The following PWWP2B variants were observed in gnomAD, a reference collection of about 807,000 sequenced individuals.
PWWP2B encodes the protein PWWP domain containing 2B, also known as PWWP domain-containing protein 2B.
In PWWP2B, 9 loss-of-function variants were observed where a neutral mutation model predicts 15.5. The observed-to-expected ratio is 0.58, with a 90% CI of 0.35 to 1.02. The LOEUF is 1.02. Among genes scored for constraint, PWWP2B ranks in the 50% least tolerant of loss-of-function variants. The pLI, the probability that PWWP2B is intolerant of heterozygous loss-of-function variation, is 0.02. For synonymous variants in PWWP2B, 474 were observed against 403.6 expected (o/e 1.17, Z -2.09); for missense variants, 864 against 865.3 (o/e 1.00, Z 0.02).
chr10:132,407,527 G>A (rs546734743), intron 2 of PWWP2B, among the ~76,000 whole-genome samples: 6 of 152,214 alleles, frequency 3.9e-5, no homozygotes, highest in African/African-American at 1.4e-4. Context: ...GCTGCACCCT[G>A]CGTATTGGGG....
chr10:132,401,418 A>G (rs970133616), intron 1 of PWWP2B, among the ~76,000 whole-genome samples: 10 of 147,514 alleles, frequency 6.8e-5, no homozygotes, highest in Middle Eastern at 3.4e-3. Flanking sequence ...GGGCCCCCAC[A>G]TGTCCTTCCC....
At chr10:132,416,556 G>T (rs1043628623) in intron 2 of PWWP2B, among the ~76,000 whole-genome samples, 2 of 152,266 alleles carry the variant, frequency 1.3e-5, no homozygotes, top group Admixed American at 1.3e-4. Context: ...CTGGGAAAGG[G>T]TTTTCCCCTC....
chr10:132,409,077 C>T (rs915605694), intron 2 of PWWP2B, among the ~76,000 whole-genome samples: 9 of 152,254 alleles, frequency 5.9e-5, no homozygotes, highest in African/African-American at 9.6e-5. Flanking sequence ...CCTGCTGTTG[C>T]GGTCTCAGGG....
intron 2 of PWWP2B, among the ~76,000 whole-genome samples, chr10:132,414,159 G>C (rs766835684): frequency 2.6e-5 from 4 of 152,356 alleles, no homozygotes; most frequent in Admixed American, 2.0e-4. Context: ...GAGAGGGAAG[G>C]CTCCTGCGAA....
At chr10:132,408,567 C>G (rs923997258) in intron 2 of PWWP2B, among the ~76,000 whole-genome samples, 3 of 152,282 alleles carry the variant, frequency 2.0e-5, no homozygotes, top group Admixed American at 6.5e-5. Context: ...GTCGTCCTCC[C>G]AGCTCCCGCC....
chr10:132,414,901 G>C (rs1311894138), intron 2 of PWWP2B, among the ~76,000 whole-genome samples: 1 of 152,188 alleles, frequency 6.6e-6, no homozygotes, highest in East Asian at 1.9e-4. Flanking sequence ...AACTGGCGTT[G>C]GGCTGGGGAC....
At position 132,405,058 on chromosome 10, in the gene PWWP2B, C is replaced by G; in HGVS notation, c.558C>G (p.Ser186Arg). 1 of 1,511,716 alleles carries G rather than the reference C, an allele frequency of 6.6e-7. No homozygotes were observed. Among genetic ancestry groups the G allele is most frequent in the Non-Finnish European group, 8.8e-7 (1 of 1,133,244 alleles). 93.6% of individuals were successfully genotyped at this position (1,511,716 alleles called of 1,614,324 possible). The change falls in exon 2 of 3, where the codon AGC becomes AGG. Residue 186 changes from serine (S) to arginine (R), a missense_variant. Physicochemically the swap from Ser to Arg is moderately radical, Grantham distance 110. Coordinates refer to ENST00000305233, the MANE Select transcript of PWWP2B (RefSeq NM_138499.4). ...GTGAGAAGTGCAAGAGCACGCTGAG[C>G]CCCCCGGAGGCCAGCCCCGGACCCC... is the stretch of plus-strand genomic sequence containing the variant. ...VLCEKCKSTL[S>R]PPEASPGPPA...
intron 2 of PWWP2B, among the ~76,000 whole-genome samples, chr10:132,408,376 G>A (rs1554907568): frequency 6.6e-6 from 1 of 152,226 alleles, no homozygotes; most frequent in Non-Finnish European, 1.5e-5. Context: ...CTCTTTGTAG[G>A]GGAAATGCGG....
intron 1 of PWWP2B, among the ~76,000 whole-genome samples, chr10:132,403,846 G>C (rs1053210128): frequency 1.8e-5 from 2 of 114,148 alleles, no homozygotes; most frequent in Non-Finnish European, 3.8e-5. Flanking sequence ...CAGCAGGGCA[G>C]GACCTGAGGG....
rs141597653 is a variant in PWWP2B, at chr10:132,406,066, T to A, written c.1566T>A (p.Ser522=). 11 of 1,613,654 alleles carry A rather than the reference T, an allele frequency of 6.8e-6. No individual in the cohort carries two copies. Among genetic ancestry groups the A allele is most frequent in the Non-Finnish European group, 9.3e-6 (11 of 1,179,836 alleles). ...SLGQKEDGEP[S]WREAKVSWFG... The stretch of plus-strand genomic sequence containing the variant: ...GCCAGAAGGAGGACGGAGAGCCGTC[T>A]TGGCGAGAAGCGAAGGTCTCGTGGT... The change falls in exon 2 of 3, where the codon TCT becomes TCA. Residue 522 remains serine (S), a synonymous_variant. Transcript: ENST00000305233.
intron 2 of PWWP2B, among the ~76,000 whole-genome samples, chr10:132,412,374 A>G (rs1448373160): frequency 3.9e-5 from 6 of 152,206 alleles, no homozygotes; most frequent in Admixed American, 2.6e-4. Context: ...CCGGGCTTCA[A>G]TGCCCTGGAC....
intron 2 of PWWP2B, among the ~76,000 whole-genome samples, chr10:132,414,688 G>A (rs2069820956): frequency 6.6e-6 from 1 of 152,240 alleles, no homozygotes; most frequent in Admixed American, 6.5e-5. Flanking sequence ...CTGAGAAATG[G>A]AAGATGGTAT....
At chr10:132,408,473 G>A (rs747414966) in intron 2 of PWWP2B, among the ~76,000 whole-genome samples, 6 of 152,196 alleles carry the variant, frequency 3.9e-5, no homozygotes, top group Non-Finnish European at 7.3e-5. Flanking sequence ...GGTGTGGGGC[G>A]CTGCTGGCCA....
chr10:132,415,859 G>C lies in PWWP2B; in HGVS notation c.*17-1202G>C, dbSNP rs76742343. On this transcript the variant is annotated intron_variant, in intron 2 of 2. Transcript: ENST00000305233. ...CTTTCTTCTCTGTAGCATTGATCCC[G>C]GCTTGGTGCTTGGTCTTCAAATTGT... Among the ~76,000 whole-genome samples, 6 of 152,166 alleles carry C rather than the reference G, an allele frequency of 3.9e-5. No homozygotes were observed. In the East Asian group the frequency reaches 9.6e-4, roughly 24 times the overall value.
In PWWP2B at chr10:132,404,061, GGGCTCCTGCAGGACGGCATTCTT is replaced by G. The variant is rs1404477546; in HGVS notation, c.126-564_126-542del. On this transcript the variant is annotated intron_variant, in intron 1 of 2. Transcript: ENST00000305233. ...GGCTCCTGCAGGACGGCATTCTCCA[GGGCTCCTGCAGGACGGCATTCTT>G]CTGGGCTCCTGCAGGGAGCTTTCTC... is the stretch of plus-strand genomic sequence containing the variant. Among the ~76,000 whole-genome samples, 180 of 136,484 alleles carry G rather than the reference GGGCTCCTGCAGGACGGCATTCTT, an allele frequency of 1.3e-3. 3 individuals are homozygous for G. Among genetic ancestry groups the G allele is most frequent in the African/African-American group, 5.1e-3 (156 of 30,868 alleles). 89.5% of individuals were successfully genotyped at this position (136,484 alleles called of 152,430 possible).
At chr10:132,412,967 C>A (rs942457094) in intron 2 of PWWP2B, among the ~76,000 whole-genome samples, 2 of 152,372 alleles carry the variant, frequency 1.3e-5, no homozygotes, top group East Asian at 3.9e-4. Context: ...GAGGCCAGCG[C>A]CAGTGTCCTG....
intron 2 of PWWP2B, among the ~76,000 whole-genome samples, chr10:132,413,256 G>A (rs1306608051): frequency 1.3e-5 from 2 of 152,252 alleles, no homozygotes; most frequent in Non-Finnish European, 2.9e-5. Flanking sequence ...TAATATAGGT[G>A]TGTAAAATAT....
rs1564873329 is a variant in PWWP2B, at chr10:132,404,606, T to C, written c.126-20T>C. On this transcript the variant is annotated intron_variant, in intron 1 of 2. Transcript: ENST00000305233. ...TGCCAGGGTCCCTTCTCACTGTGGT[T>C]TCTCTCTCTCCATTGCCAGGTCCGG... 8 of 1,605,324 alleles carry C rather than the reference T, an allele frequency of 5.0e-6. No homozygotes were observed. Among genetic ancestry groups the C allele is most frequent in the South Asian group, 2.2e-5 (2 of 90,818 alleles).
At chr10:132,415,635 ACACACCCACT>A (rs1479173087) in intron 2 of PWWP2B, among the ~76,000 whole-genome samples, 26 of 139,320 alleles carry the variant, frequency 1.9e-4, no homozygotes, top group Non-Finnish European at 2.4e-4. Context: ...ACATCCACTC[ACACACCCACT>A]CACACACACA....
Sources: gnomAD v4.1 joint callset for allele counts (sites outside exome capture counted in the v4.1 genomes callset) on GRCh38, gnomAD v4.1.1 for gene constraint, MANE v1.5 for transcripts, NCBI Gene and HGNC (gene_info 2026-07-23, HGNC 2026-07-21) for gene names.